The following SPTBN1 variants were observed in gnomAD, a reference collection of about 807,000 sequenced individuals.
The protein encoded by SPTBN1 is spectrin beta chain, non-erythrocytic 1.
A neutral mutation model predicts 266.4 loss-of-function variants in SPTBN1; 32 were observed. The ratio of observed to expected loss-of-function variants is 0.12; its 90% confidence interval spans 0.09 to 0.16. The LOEUF (loss-of-function observed/expected upper bound fraction) is 0.16, where lower values mean the gene tolerates loss of function less well. Among genes scored for constraint, SPTBN1 ranks in the 10% least tolerant of loss-of-function variants. The pLI is 1.00. For missense variants in SPTBN1, 2,296 were observed against 3,067.1 expected (o/e 0.75, Z 5.94); for synonymous variants, 1,336 against 1,162.2 (o/e 1.15, Z -3.04).
intron 2 of SPTBN1, among the ~76,000 whole-genome samples, chr2:54,573,887 G>A (rs542805121): frequency 1.8e-4 from 27 of 151,428 alleles, no homozygotes; most frequent in Non-Finnish European, 3.1e-4. Flanking sequence ...GATTTGAATG[G>A]ATGTATTTAT....
At chr2:54,624,095 G>T (rs1475905296) in intron 10 of SPTBN1, among the ~76,000 whole-genome samples, 1 of 152,138 alleles carries the variant, frequency 6.6e-6, no homozygotes, top group Non-Finnish European at 1.5e-5. Flanking sequence ...AAAAATTCTA[G>T]AACTTTGGTC....
chr2:54,570,698 C>T (rs912983503), intron 2 of SPTBN1, among the ~76,000 whole-genome samples: 4 of 152,190 alleles, frequency 2.6e-5, no homozygotes, highest in African/African-American at 9.7e-5. Context: ...ACAGTGGTTA[C>T]AGCTAAGATT....
At position 54,664,666 on chromosome 2, in the gene SPTBN1, G is replaced by A; in HGVS notation, c.6634G>A (p.Ala2212Thr). 1 of 1,614,090 alleles carries A rather than the reference G, an allele frequency of 6.2e-7. No individual in the cohort carries two copies. Among genetic ancestry groups the A allele is most frequent in the Non-Finnish European group, 8.5e-7 (1 of 1,180,012 alleles). The change falls in exon 33 of 36, where the codon GCC becomes ACC. Residue 2212 changes from alanine (A) to threonine (T), a missense_variant. Ala to Thr is a moderately conservative substitution (Grantham distance 58). Around this residue, in one of 12 missense-constraint regions of SPTBN1, gnomAD observed 347 missense variants for 368.5 expected, o/e 0.94. Coordinates refer to ENST00000356805, the MANE Select transcript of SPTBN1 (RefSeq NM_003128.3). This position sits in a 1 kb window ranked among gnomAD's most constrained non-coding sequence, Gnocchi z 5.6. ...GFLNRKHEWE[A>T]HNKKASSRSW... ...CCTCAATCGGAAACACGAGTGGGAG[G>A]CCCACAATAAGAAAGCCTCAAGCAG... is the stretch of plus-strand genomic sequence containing the variant.
intron 2 of SPTBN1, among the ~76,000 whole-genome samples, chr2:54,597,953 G>A (rs1478647882): frequency 8.1e-6 from 1 of 124,034 alleles, no homozygotes; most frequent in Non-Finnish European, 1.6e-5. Context: ...TTAGATTTTT[G>A]GCATAAATTC....
chr2:54,633,551 G>A (rs1465786941), intron 17 of SPTBN1, among the ~76,000 whole-genome samples: 1 of 152,164 alleles, frequency 6.6e-6, no homozygotes, highest in Non-Finnish European at 1.5e-5. Context: ...TAAGTTGGAG[G>A]TTGGGGCAGA....
At chr2:54,661,637 C>G (rs1418269789) in intron 32 of SPTBN1, 1 of 985,726 alleles carries the variant, frequency 1.0e-6, no homozygotes, top group East Asian at 1.1e-4. Context: ...AAAAAAACTT[C>G]TGCTTTGTCT....
At chr2:54,570,902 G>C (rs1674017011) in intron 2 of SPTBN1, among the ~76,000 whole-genome samples, 1 of 151,378 alleles carries the variant, frequency 6.6e-6, no homozygotes, top group South Asian at 2.1e-4. Context: ...TTGCTAGCTT[G>C]AGTGTATAGT....
At chr2:54,521,654 C>T (rs547985014) in intron 1 of SPTBN1, among the ~76,000 whole-genome samples, 19 of 152,082 alleles carry the variant, frequency 1.2e-4, no homozygotes, top group Non-Finnish European at 2.4e-4. Flanking sequence ...GCTGGGACTA[C>T]GGGCACGTGC....
At chr2:54,521,612 CA>C (rs1327313619) in intron 1 of SPTBN1, among the ~76,000 whole-genome samples, 2 of 152,096 alleles carry the variant, frequency 1.3e-5, no homozygotes, top group African/African-American at 4.8e-5. Flanking sequence ...CTCTTGGGCT[CA>C]AGTGATCCTC....
intron 2 of SPTBN1, among the ~76,000 whole-genome samples, chr2:54,566,555 G>A (rs976401353): frequency 6.6e-6 from 1 of 152,168 alleles, no homozygotes; most frequent in African/African-American, 2.4e-5. Flanking sequence ...GACAGGCCAA[G>A]CTCAGTGTCT....
chr2:54,466,332 T>A, intron 1 of SPTBN1, among the ~76,000 whole-genome samples: 1 of 152,110 alleles, frequency 6.6e-6, no homozygotes, highest in African/African-American at 2.4e-5. Flanking sequence ...AAAGTGTAAT[T>A]TGTGTAATTA....
In SPTBN1 at chr2:54,647,151, C is replaced by T. The variant is rs767940853; in HGVS notation, c.4887C>T (p.Ser1629=). ...EKAKDEQSAV[S]MLKKHQILEQ... ...TGCAGGATGAGCAGAGTGCTGTCTC[C>T]ATGTTGAAGAAGCACCAGATCTTAG... The change falls in exon 24 of 36, where the codon TCC becomes TCT. Residue 1629 remains serine, a synonymous_variant. Transcript: ENST00000356805. The T allele has an allele frequency of 6.2e-7, 1 of 1,614,142 alleles. No homozygotes were observed. The highest frequency in any genetic ancestry group is 8.5e-7 in the Non-Finnish European group (1 of 1,180,030).
intron 2 of SPTBN1, among the ~76,000 whole-genome samples, chr2:54,552,785 G>A (rs1672654135): frequency 6.6e-6 from 1 of 152,190 alleles, no homozygotes; most frequent in Admixed American, 6.5e-5. Context: ...TTTTTCTCCT[G>A]TAGCTTCACA....
intron 17 of SPTBN1, among the ~76,000 whole-genome samples, chr2:54,634,056 C>G (rs980463691): frequency 1.3e-5 from 2 of 152,192 alleles, no homozygotes; most frequent in Non-Finnish European, 2.9e-5. Flanking sequence ...CATTCATAAC[C>G]TAGGGAAAAA....
chr2:54,618,784 G>C lies in SPTBN1; in HGVS notation c.763+591G>C, dbSNP rs79562130. On this transcript the variant is annotated intron_variant, in intron 7 of 35. Coordinates refer to ENST00000356805, the MANE Select transcript of SPTBN1 (RefSeq NM_003128.3). ...GAGTTTAAATGAGGAAGGCACCTTT[G>C]GGAAAGGGGAGTGTAGGGGTGGAAG... Among the ~76,000 whole-genome samples the C allele has an allele frequency of 7.0e-3, 1,064 of 152,294 alleles. 13 individuals carry two copies. Among genetic ancestry groups the C allele is most frequent in the South Asian group, 0.065 (314 of 4,828 alleles).
intron 2 of SPTBN1, among the ~76,000 whole-genome samples, chr2:54,531,014 TGGG>T: frequency 6.6e-6 from 1 of 151,546 alleles, no homozygotes; most frequent in Middle Eastern, 3.4e-3. Context: ...GTAGGTAGGG[TGGG>T]GTGCCCTGAG....
chr2:54,596,794 G>C (rs944953491), intron 2 of SPTBN1, among the ~76,000 whole-genome samples: 3 of 152,136 alleles, frequency 2.0e-5, no homozygotes, highest in Non-Finnish European at 2.9e-5. Context: ...TTTCAGCTCT[G>C]TTCTCTGCAC....
intron 1 of SPTBN1, among the ~76,000 whole-genome samples, chr2:54,487,832 C>CTCTTTTTTTTTGTTTTTTTTTTTTTTT (rs1426296541): frequency 1.5e-5 from 1 of 68,644 alleles, no homozygotes; most frequent in Non-Finnish European, 2.6e-5. Context: ...CCTCCTGTGT[C>CTCTTTTTTTTTGTTTTTTTTTTTTTTT]TTTTTTTTTT....
At position 54,558,259 on chromosome 2, in the gene SPTBN1, C is replaced by T. The variant is rs1269581882; in HGVS notation, c.148+31693C>T. On this transcript the variant is annotated intron_variant, in intron 2 of 35. Transcript: ENST00000356805. The surrounding 1 kb of genome is among the most constrained non-coding windows in gnomAD (Gnocchi z 4.6). ...GTCGCGGGCCGGCTAGGCTCCCCCG[C>T]GCCCCTCCTCGTGGTATAGCCTGCA... is the stretch of plus-strand genomic sequence containing the variant. 3.0e-6 allele frequency: 3 copies of T among 985,398 alleles called. No homozygotes were observed. The highest frequency in any genetic ancestry group is 3.6e-6 in the Non-Finnish European group (3 of 829,922). The allele number at this position is 985,398 out of a possible 1,614,324, so 61.0% of individuals were successfully genotyped here.
Sources: allele counts gnomAD v4.1 joint callset (sites outside exome capture counted in the v4.1 genomes callset), GRCh38; gene constraint gnomAD v4.1.1; regional missense constraint gnomAD v4.1.1; non-coding constraint Gnocchi (gnomAD v3.1); transcripts MANE v1.5; gene names NCBI Gene and HGNC (gene_info 2026-07-23, HGNC 2026-07-21).